ERP44: variants seen among roughly 807,000 people sequenced by gnomAD.
The protein encoded by ERP44 is endoplasmic reticulum resident protein 44.
In ERP44, 25 loss-of-function variants were observed where a neutral mutation model predicts 53.4. That is an observed-to-expected ratio of 0.47 (90% CI 0.34 to 0.65). The LOEUF (loss-of-function observed/expected upper bound fraction) is 0.65, where lower values mean the gene tolerates loss of function less well. Among genes scored for constraint, ERP44 ranks in the 30% least tolerant of loss-of-function variants. ERP44 has a pLI of 0.01. For missense variants in ERP44, 338 were observed against 493.2 expected (o/e 0.69, Z 2.98); for synonymous variants, 145 against 161.2 (o/e 0.90, Z 0.76).
chr9:99,981,266 A>G lies in ERP44; in HGVS notation c.*1346T>C, dbSNP rs950306409. 3.3e-5 allele frequency: 5 copies of G among 152,372 alleles called. No homozygotes were observed. The highest frequency in any genetic ancestry group is 7.3e-5 in the Non-Finnish European group (5 of 68,042). 9.4% of individuals were successfully genotyped at this position (152,372 alleles called of 1,614,324 possible). On this transcript the variant is annotated 3_prime_UTR_variant, in exon 12 of 12. Transcript: ENST00000262455. ...TATGGAAACTTTGGATAAATCATGCATAACGAGGAATTATAAGCTGGTTTT... is the reference window on the plus strand; with the variant it reads ...TATGGAAACTTTGGATAAATCATGCGTAACGAGGAATTATAAGCTGGTTTT...
chr9:100,051,925 T>C (rs920165617), intron 4 of ERP44, among the ~76,000 whole-genome samples: 4 of 152,122 alleles, frequency 2.6e-5, no homozygotes, highest in African/African-American at 4.8e-5. Flanking sequence ...CTAATTAGAC[T>C]CAAAAATAGT....
intron 1 of ERP44, among the ~76,000 whole-genome samples, chr9:100,083,979 C>A (rs1826454913): frequency 6.6e-6 from 1 of 151,224 alleles, no homozygotes; most frequent in Non-Finnish European, 1.5e-5. Context: ...AGAAAACAGT[C>A]AGATACAGAG....
At chr9:100,051,211 C>T (rs189885199) in intron 4 of ERP44, among the ~76,000 whole-genome samples, 7 of 152,172 alleles carry the variant, frequency 4.6e-5, no homozygotes, top group African/African-American at 4.8e-5. Flanking sequence ...TGCTGCCTAG[C>T]GCAAAGCTAT....
intron 1 of ERP44, among the ~76,000 whole-genome samples, chr9:100,066,941 G>A (rs1225043234): frequency 6.6e-6 from 1 of 152,134 alleles, no homozygotes; most frequent in Non-Finnish European, 1.5e-5. Flanking sequence ...AGTTCAAAGA[G>A]AGGGGAAAAA....
intron 8 of ERP44, among the ~76,000 whole-genome samples, chr9:100,014,309 G>C (rs149537910): frequency 2.6e-5 from 4 of 152,002 alleles, no homozygotes; most frequent in African/African-American, 9.7e-5. Flanking sequence ...TTGGAGGGAC[G>C]GGGTCTCACT....
At chr9:100,074,666 G>A (rs1255644467) in intron 1 of ERP44, among the ~76,000 whole-genome samples, 1 of 152,152 alleles carries the variant, frequency 6.6e-6, no homozygotes, top group Non-Finnish European at 1.5e-5. Flanking sequence ...CTTCCCCAAG[G>A]AGACCTCTGG....
intron 1 of ERP44, among the ~76,000 whole-genome samples, chr9:100,093,629 C>T (rs1826587792): frequency 1.3e-5 from 2 of 151,526 alleles, no homozygotes; most frequent in South Asian, 4.2e-4. Context: ...GGCTACACAG[C>T]AAGACCCTGT....
intron 4 of ERP44, among the ~76,000 whole-genome samples, chr9:100,041,386 C>A (rs528540187): frequency 6.6e-6 from 1 of 152,202 alleles, no homozygotes; most frequent in South Asian, 2.1e-4. Flanking sequence ...AGAACAGACA[C>A]AGGCCAGGCG....
At chr9:100,097,051 C>A (rs1826641040) in intron 1 of ERP44, among the ~76,000 whole-genome samples, 1 of 152,082 alleles carries the variant, frequency 6.6e-6, no homozygotes, top group South Asian at 2.1e-4. Flanking sequence ...GCTTTTTCAG[C>A]CTTTTCATAT....
intron 10 of ERP44, among the ~76,000 whole-genome samples, chr9:100,004,830 G>T (rs1830411792): frequency 6.6e-6 from 1 of 152,158 alleles, no homozygotes; most frequent in African/African-American, 2.4e-5. Flanking sequence ...AGACGAACAT[G>T]GAAAGTCCTT....
intron 1 of ERP44, among the ~76,000 whole-genome samples, chr9:100,097,168 G>A (rs1006759258): frequency 1.3e-5 from 2 of 151,914 alleles, no homozygotes; most frequent in African/African-American, 4.8e-5. Context: ...GATTCTATTT[G>A]GGAAAAAACT....
At chr9:100,030,595 C>G (rs747112277) in intron 4 of ERP44, among the ~76,000 whole-genome samples, 1 of 152,190 alleles carries the variant, frequency 6.6e-6, no homozygotes. Flanking sequence ...TTCCTCTCAG[C>G]TATGAATGGA....
chr9:100,061,880 G>C (rs1040736683), intron 1 of ERP44, among the ~76,000 whole-genome samples: 3 of 152,060 alleles, frequency 2.0e-5, no homozygotes, highest in East Asian at 1.9e-4. Context: ...TATTGATGGG[G>C]TTTAGAACAC....
intron 4 of ERP44, among the ~76,000 whole-genome samples, chr9:100,031,304 T>C (rs1825785321): frequency 1.3e-5 from 2 of 151,986 alleles, no homozygotes; most frequent in Admixed American, 6.6e-5. Context: ...GGAACAGGAG[T>C]TTTGGGGTCC....
At chr9:100,032,225 C>T (rs925228430) in intron 4 of ERP44, among the ~76,000 whole-genome samples, 1 of 152,132 alleles carries the variant, frequency 6.6e-6, no homozygotes, top group Non-Finnish European at 1.5e-5. Flanking sequence ...CTGCACACTT[C>T]CCTGGCCCTG....
At chr9:100,055,795 T>C (rs886743222) in intron 3 of ERP44, among the ~76,000 whole-genome samples, 2 of 152,186 alleles carry the variant, frequency 1.3e-5, no homozygotes, top group African/African-American at 4.8e-5. Flanking sequence ...AAAACAGCAT[T>C]ATTAACCACC....
chr9:100,078,719 C>T (rs1337623890), intron 1 of ERP44, among the ~76,000 whole-genome samples: 1 of 151,788 alleles, frequency 6.6e-6, no homozygotes, highest in Non-Finnish European at 1.5e-5. Flanking sequence ...CATGCCATTG[C>T]ACTCCAGCCT....
chr9:100,034,744 CAA>C lies in ERP44; in HGVS notation c.287-12520_287-12519del, dbSNP rs770073440. ...AAACTATTGTAAATTCATACAGAAC[CAA>C]AAAAGAGCCTCAATAGCCAAAGCAA... On this transcript the variant is annotated intron_variant, in intron 4 of 11. Transcript: ENST00000262455. Among the ~76,000 whole-genome samples, 87 of 152,040 alleles carry C rather than the reference CAA, an allele frequency of 5.7e-4. 1 individual carries two copies. The highest frequency in any genetic ancestry group is 1.4e-3 in the Admixed American group (21 of 15,282).
intron 1 of ERP44, among the ~76,000 whole-genome samples, chr9:100,070,856 C>A (rs534672904): frequency 1.3e-5 from 2 of 152,200 alleles, no homozygotes; most frequent in South Asian, 4.1e-4. Context: ...GGCCTCCCCC[C>A]AGAAGTAGAC....
Sources: allele counts gnomAD v4.1 joint callset (sites outside exome capture counted in the v4.1 genomes callset), GRCh38; gene constraint gnomAD v4.1.1; transcripts MANE v1.5; gene names NCBI Gene and HGNC (gene_info 2026-07-23, HGNC 2026-07-21).